Variants in ZNF682 observed in about 807,000 individuals in gnomAD.
ZNF682 encodes the protein zinc finger protein 682.
Under a neutral mutation model 36.5 loss-of-function variants are expected in ZNF682, and 29 were observed. That is an observed-to-expected ratio of 0.80 (90% confidence interval 0.59 to 1.08). The LOEUF (loss-of-function observed/expected upper bound fraction) is 1.08, where lower values mean the gene tolerates loss of function less well. Ranked by LOEUF, ZNF682 falls within the 50% of genes least tolerant of loss-of-function variation. The pLI, the probability that ZNF682 is intolerant of heterozygous loss-of-function variation, is 0.00. For missense variants in ZNF682, 561 were observed against 579.7 expected (o/e 0.97, Z 0.33); for synonymous variants, 180 against 197.0 (o/e 0.91, Z 0.72).
chr19:20,013,881 A>G (rs1160095497), intron 3 of ZNF682, among the ~76,000 whole-genome samples: 2 of 152,200 alleles, frequency 1.3e-5, no homozygotes, highest in East Asian at 3.8e-4. Context: ...TGCCTGGCCT[A>G]GCAAACTTTT....
intron 1 of ZNF682, among the ~76,000 whole-genome samples, chr19:20,025,862 C>T (rs1353207725): frequency 6.6e-6 from 1 of 152,110 alleles, no homozygotes; most frequent in African/African-American, 2.4e-5. Flanking sequence ...ACAGATATCT[C>T]CCAGGTTTTA....
chr19:20,034,968 T>A (rs1251406066), intron 1 of ZNF682, among the ~76,000 whole-genome samples: 1 of 147,396 alleles, frequency 6.8e-6, no homozygotes, highest in Non-Finnish European at 1.5e-5. Context: ...TGTTGGTGCG[T>A]GCCTGTAATC....
intron 3 of ZNF682, among the ~76,000 whole-genome samples, chr19:20,013,307 A>G (rs2088306714): frequency 6.6e-6 from 1 of 152,010 alleles, no homozygotes; most frequent in Admixed American, 6.5e-5. Flanking sequence ...TAACATATAT[A>G]TTATCATCAG....
intron 1 of ZNF682, among the ~76,000 whole-genome samples, chr19:20,035,704 G>A (rs2088523205): frequency 1.3e-5 from 1 of 78,872 alleles, no homozygotes. Context: ...AATAAATATT[G>A]TGCTGTTATA....
At chr19:20,025,488 T>C (rs2088422848) in intron 1 of ZNF682, among the ~76,000 whole-genome samples, 1 of 151,988 alleles carries the variant, frequency 6.6e-6, no homozygotes, top group Non-Finnish European at 1.5e-5. Context: ...CCATCCTGGC[T>C]AACATGGTGA....
intron 1 of ZNF682, 155 bp from the exon 2 acceptor site, chr19:20,024,531 T>G: frequency 6.7e-6 from 6 of 897,960 alleles, no homozygotes; most frequent in Non-Finnish European, 9.4e-6. Context: ...TCTCTAACAC[T>G]GAGGAAAGAA....
At position 20,006,817 on chromosome 19, in the gene ZNF682, A is replaced by G. The variant is rs777510382; in HGVS notation, c.685T>C (p.Tyr229His). The G allele has an allele frequency of 3.1e-6, 5 of 1,614,132 alleles. No individual in the cohort carries two copies. The South Asian group carries it at 4.4e-5, about 14-fold the overall frequency. ...GCTTTGCCACATTCTTCACATTTGT[A>G]TGGTTTCTCTCCAGTGTGAATTCTC... is the stretch of plus-strand genomic sequence containing the variant. ...HKRIHTGEKPYKCEECGKAFN... is the reference protein window; with the variant it reads ...HKRIHTGEKPHKCEECGKAFN... The change falls in exon 4 of 4, where the codon TAC becomes CAC. Residue 229 changes from tyrosine to histidine, a missense_variant. Physicochemically the swap from Tyr to His is moderately conservative, Grantham distance 83. Coordinates refer to ENST00000397165, the MANE Select transcript of ZNF682 (RefSeq NM_033196.3).
chr19:20,028,867 A>G (rs1390960745), intron 1 of ZNF682, among the ~76,000 whole-genome samples: 1 of 152,194 alleles, frequency 6.6e-6, no homozygotes, highest in East Asian at 1.9e-4. Context: ...GGAAGATGAC[A>G]TAATGTGAAT....
chr19:20,037,736 GA>G (rs2088544094), intron 1 of ZNF682, among the ~76,000 whole-genome samples: 1 of 152,054 alleles, frequency 6.6e-6, no homozygotes, highest in South Asian at 2.1e-4. Flanking sequence ...TGTCCTTGGG[GA>G]TATTTTTTTT....
chr19:20,021,234 T>C (rs1438244370), intron 3 of ZNF682, among the ~76,000 whole-genome samples: 1 of 152,250 alleles, frequency 6.6e-6, no homozygotes, highest in Non-Finnish European at 1.5e-5. Flanking sequence ...GTGCTCCATA[T>C]GCTTAAATTT....
downstream of ZNF682, among the ~76,000 whole-genome samples, chr19:20,002,766 T>G (rs569908122): frequency 1.3e-5 from 2 of 152,246 alleles, no homozygotes; most frequent in South Asian, 4.1e-4. Flanking sequence ...CAACACCATG[T>G]CTGATGTAGA....
chr19:20,005,538 A>G lies in ZNF682; in HGVS notation c.*467T>C, dbSNP rs75105670. The G allele has an allele frequency of 7.4e-3, 1,154 of 155,460 alleles. 8 individuals are homozygous for G. The highest frequency in any genetic ancestry group is 0.013 in the Non-Finnish European group (877 of 70,120). The allele number at this position is 155,460 out of a possible 1,614,324, so 9.6% of individuals were successfully genotyped here. On this transcript the variant is annotated 3_prime_UTR_variant, in exon 4 of 4. Coordinates refer to ENST00000397165, the MANE Select transcript of ZNF682 (RefSeq NM_033196.3). ...TACAACAAAATCTGTAACATAAGTA[A>G]AAGTATTGCAACAATCTTTATATTT...
At chr19:20,037,349 T>G (rs1716383477) in intron 1 of ZNF682, among the ~76,000 whole-genome samples, 1 of 152,164 alleles carries the variant, frequency 6.6e-6, no homozygotes, top group South Asian at 2.1e-4. Flanking sequence ...TCTTCCTGTG[T>G]CCATGCAGGC....
chr19:20,009,145 C>T (rs991968517), intron 3 of ZNF682, among the ~76,000 whole-genome samples: 2 of 152,118 alleles, frequency 1.3e-5, no homozygotes, highest in African/African-American at 2.4e-5. Context: ...GTTTCGTTAC[C>T]TCAAAAGGAT....
intron 3 of ZNF682, among the ~76,000 whole-genome samples, chr19:20,009,545 T>C (rs2088263365): frequency 6.6e-6 from 1 of 152,178 alleles, no homozygotes; most frequent in Non-Finnish European, 1.5e-5. Flanking sequence ...TGAGATACTA[T>C]ACAAGACAAC....
intron 3 of ZNF682, chr19:20,007,888 T>C (rs1024869116): frequency 2.0e-5 from 3 of 153,172 alleles, no homozygotes; most frequent in Non-Finnish European, 4.4e-5. Flanking sequence ...TGCTGCTGTC[T>C]GCCAGGCTGA....
At chr19:20,039,096 C>T in intron 1 of ZNF682, 1 of 1,367,920 alleles carries the variant, frequency 7.3e-7, no homozygotes, top group Non-Finnish European at 9.5e-7. Flanking sequence ...GCGCGCGGCT[C>T]TTCCCAGGGT....
intron 1 of ZNF682, among the ~76,000 whole-genome samples, chr19:20,034,894 C>A (rs929994935): frequency 6.6e-6 from 1 of 152,106 alleles, no homozygotes; most frequent in African/African-American, 2.4e-5. Context: ...GTCCAAAGTT[C>A]GAGACCAGCC....
At chr19:20,024,159 AC>A in intron 2 of ZNF682, 90 bp downstream of exon 2, 1 of 1,491,756 alleles carries the variant, frequency 6.7e-7, no homozygotes, top group Non-Finnish European at 9.2e-7. Context: ...ACTCATTTAT[AC>A]AAAGCAGAAA....
Sources: allele counts gnomAD v4.1 joint callset (sites outside exome capture counted in the v4.1 genomes callset), GRCh38; gene constraint gnomAD v4.1.1; transcripts MANE v1.5; gene names NCBI Gene and HGNC (gene_info 2026-07-23, HGNC 2026-07-21).